Variants in MMD2 observed in about 807,000 individuals in gnomAD.
MMD2 encodes monocyte to macrophage differentiation associated 2, also known as monocyte to macrophage differentiation factor 2.
A neutral mutation model predicts 33.5 loss-of-function variants in MMD2; 30 were observed. The observed-to-expected ratio is 0.90, with a 90% CI of 0.67 to 1.22. MMD2 has a LOEUF of 1.22. Among genes scored for constraint, MMD2 ranks in the 50% most tolerant of loss-of-function variants. The pLI, the probability that MMD2 is intolerant of heterozygous loss-of-function variation, is 0.00. For missense variants in MMD2, 364 were observed against 325.4 expected (o/e 1.12, Z -0.91); for synonymous variants, 129 against 123.0 (o/e 1.05, Z -0.32).
At chr7:4,933,317 G>A (rs578047333) in intron 1 of MMD2, among the ~76,000 whole-genome samples, 13 of 152,262 alleles carry the variant, frequency 8.5e-5, no homozygotes, top group African/African-American at 2.4e-4. Context: ...AGCCAAGATC[G>A]TGCCACTGCA....
chr7:4,908,804 C>T (rs925098782), intron 6 of MMD2, among the ~76,000 whole-genome samples: 17 of 150,046 alleles, frequency 1.1e-4, no homozygotes, highest in Non-Finnish European at 2.1e-4. Context: ...GGCCAAGGCA[C>T]GAGAATCACT....
intron 2 of MMD2, among the ~76,000 whole-genome samples, chr7:4,922,268 T>TA (rs1785307123): frequency 6.7e-6 from 1 of 150,270 alleles, no homozygotes; most frequent in African/African-American, 2.4e-5. Flanking sequence ...TACATCATCT[T>TA]AAAAAAATAA....
At position 4,912,853 on chromosome 7, in the gene MMD2, A is replaced by G. The variant is rs569228564; in HGVS notation, c.366-1607T>C. ...CCCGAGTAGCTGGGATTACAGGCGT[A>G]CCACCATGCCTGGCTAATTTTTGTA... On this transcript the variant is annotated intron_variant, in intron 4 of 6. Coordinates refer to ENST00000401401, the MANE Select transcript of MMD2 (RefSeq NM_198403.4). Among the ~76,000 whole-genome samples, 5 of 151,996 alleles carry G rather than the reference A, an allele frequency of 3.3e-5. No individual in the cohort carries two copies. In the South Asian group the frequency reaches 8.3e-4, roughly 25 times the overall value.
At chr7:4,915,617 G>A (rs955675968) in intron 4 of MMD2, among the ~76,000 whole-genome samples, 14 of 151,850 alleles carry the variant, frequency 9.2e-5, no homozygotes, top group Non-Finnish European at 1.5e-4. Context: ...GCGCGTGCCT[G>A]TAATCCCAGC....
At position 4,959,117 on chromosome 7, in the gene MMD2, G is replaced by A; in HGVS notation, c.-100C>T. The A allele has an allele frequency of 2.0e-6, 2 of 1,007,564 alleles. No individual in the cohort carries two copies. Among genetic ancestry groups the A allele is most frequent in the Non-Finnish European group, 2.6e-6 (2 of 780,950 alleles). 62.4% of individuals were successfully genotyped at this position (1,007,564 alleles called of 1,614,324 possible). A position where few individuals can be genotyped will look rare whatever the true frequency, so the allele number is the denominator to read the frequency against. Reference sequence around the variant, plus strand: ...GGCAGCAGCAGGTTGGAGGGCGCGCGGCGGGGGCCAAGGGGACCTGGTCGG... The same window carrying A: ...GGCAGCAGCAGGTTGGAGGGCGCGCAGCGGGGGCCAAGGGGACCTGGTCGG... On this transcript the variant is annotated 5_prime_UTR_variant, in exon 1 of 7. Transcript: ENST00000401401.
rs553156253 is a variant in MMD2, at chr7:4,937,957, A to G, written c.48-12425T>C. ...AGCCACATCACCTGGTCCTAAGAAA[A>G]CAATTTAATTTCTTTTTCTTTTTTT... is the stretch of plus-strand genomic sequence containing the variant. On this transcript the variant is annotated intron_variant, in intron 1 of 6. Transcript: ENST00000401401. Among the ~76,000 whole-genome samples, 9 of 143,072 alleles carry G rather than the reference A, an allele frequency of 6.3e-5. No homozygotes were observed. The East Asian group carries it at 2.0e-3, about 32-fold the overall frequency. 93.9% of individuals were successfully genotyped at this position (143,072 alleles called of 152,430 possible). A position where few individuals can be genotyped will look rare whatever the true frequency, so the allele number is the denominator to read the frequency against.
intron 1 of MMD2, among the ~76,000 whole-genome samples, chr7:4,948,148 T>C (rs1786142458): frequency 6.6e-6 from 1 of 152,134 alleles, no homozygotes; most frequent in Non-Finnish European, 1.5e-5. Context: ...TACAACTGAA[T>C]AGGAGATTGG....
At chr7:4,909,773 C>T (rs1213992706) in intron 6 of MMD2, 108 bp downstream of exon 6, 15 of 1,460,464 alleles carry the variant, frequency 1.0e-5, no homozygotes, top group East Asian at 2.5e-5. Context: ...GCCTCAGTTT[C>T]CCCGCCTGCC....
At chr7:4,919,812 C>T (rs1363331532) in intron 3 of MMD2, among the ~76,000 whole-genome samples, 3 of 152,120 alleles carry the variant, frequency 2.0e-5, no homozygotes, top group African/African-American at 7.2e-5. Context: ...GGGAGAATTG[C>T]TTGAACCCAG....
chr7:4,904,645 G>GGT (rs781485467), downstream of MMD2, among the ~76,000 whole-genome samples: 31 of 152,186 alleles, frequency 2.0e-4, no homozygotes, highest in Admixed American at 5.9e-4. Flanking sequence ...GAGAGCAGGT[G>GGT]GTGTTGTGCA....
intron 4 of MMD2, among the ~76,000 whole-genome samples, chr7:4,914,483 C>G (rs996388490): frequency 2.0e-5 from 3 of 152,154 alleles, no homozygotes; most frequent in African/African-American, 7.2e-5. Flanking sequence ...TTATGTAAAA[C>G]CTTCAATATT....
chr7:4,932,254 G>A (rs778109857), intron 1 of MMD2, among the ~76,000 whole-genome samples: 19 of 152,252 alleles, frequency 1.2e-4, no homozygotes, highest in South Asian at 6.2e-4. Flanking sequence ...AGGGAGGCCC[G>A]GAGACAGGGC....
chr7:4,957,285 T>C (rs945629354), intron 1 of MMD2, among the ~76,000 whole-genome samples: 1 of 151,708 alleles, frequency 6.6e-6, no homozygotes, highest in African/African-American at 2.4e-5. Flanking sequence ...TTTGAGGCTG[T>C]AGTGAACCAT....
chr7:4,924,803 T>G (rs1785379759), intron 2 of MMD2, among the ~76,000 whole-genome samples: 1 of 151,996 alleles, frequency 6.6e-6, no homozygotes, highest in South Asian at 2.1e-4. Context: ...TAGGAAACAG[T>G]GAGGGATTCA....
At chr7:4,945,272 T>C (rs956011970) in intron 1 of MMD2, among the ~76,000 whole-genome samples, 1 of 127,908 alleles carries the variant, frequency 7.8e-6, no homozygotes, top group Non-Finnish European at 1.7e-5. Flanking sequence ...CCTTTCTTTC[T>C]TTTTTTTTCT....
At chr7:4,896,938 C>T in the MMD2 span, among the ~76,000 whole-genome samples, 1 of 152,042 alleles carries the variant, frequency 6.6e-6, no homozygotes, top group African/African-American at 2.4e-5. Context: ...CAGCTCACTG[C>T]AACCTCCACC....
At chr7:4,958,928 G>T (rs780396170) in intron 1 of MMD2, 43 bp downstream of exon 1, 2 of 1,280,546 alleles carry the variant, frequency 1.6e-6, no homozygotes, top group Admixed American at 4.1e-5. Flanking sequence ...GCCGCCGCGC[G>T]CCCCTCCCTC....
intron 4 of MMD2, among the ~76,000 whole-genome samples, chr7:4,913,762 A>AGCCGTTC (rs1382524759): frequency 6.7e-6 from 1 of 148,184 alleles, no homozygotes; most frequent in African/African-American, 2.5e-5. Flanking sequence ...TTTTTTTTCA[A>AGCCGTTC]GCCATTCTCC....
intron 4 of MMD2, among the ~76,000 whole-genome samples, chr7:4,914,434 T>A (rs1785091339): frequency 1.3e-5 from 2 of 152,240 alleles, no homozygotes; most frequent in African/African-American, 4.8e-5. Flanking sequence ...TCTCTCTGAT[T>A]GCTGTAATTT....
Sources: gnomAD v4.1 joint callset for allele counts (sites outside exome capture counted in the v4.1 genomes callset) on GRCh38, gnomAD v4.1.1 for gene constraint, MANE v1.5 for transcripts, NCBI Gene and HGNC (gene_info 2026-07-23, HGNC 2026-07-21) for gene names.